Variants in UBE2K observed in about 807,000 individuals in gnomAD.
The protein encoded by UBE2K is ubiquitin conjugating enzyme E2 K, also known as ubiquitin-conjugating enzyme E2 K.
UBE2K carries 6 observed loss-of-function variants against 30.0 expected under a neutral mutation model. That is an observed-to-expected ratio of 0.20 (90% CI 0.11 to 0.39). The LOEUF (loss-of-function observed/expected upper bound fraction) is 0.39. UBE2K is among the 10% of genes least tolerant of loss of function. UBE2K has a pLI of 1.00. For missense variants in UBE2K, 61 were observed against 241.6 expected (o/e 0.25, Z 4.96); for synonymous variants, 86 against 83.7 (o/e 1.03, Z -0.15).
At chr4:39,736,608 G>A (rs1399512972) in intron 1 of UBE2K, among the ~76,000 whole-genome samples, 2 of 152,184 alleles carry the variant, frequency 1.3e-5, no homozygotes, top group East Asian at 3.8e-4. Flanking sequence ...GAGTCCCACT[G>A]GATGGTTTTC....
At chr4:39,718,907 A>G (rs926093797) in intron 1 of UBE2K, among the ~76,000 whole-genome samples, 14 of 152,212 alleles carry the variant, frequency 9.2e-5, no homozygotes, top group South Asian at 6.2e-4. Context: ...CTGCAGGCTG[A>G]GGGAGCTGGC....
At chr4:39,749,875 T>C (rs1721166290) in intron 3 of UBE2K, among the ~76,000 whole-genome samples, 1 of 152,166 alleles carries the variant, frequency 6.6e-6, no homozygotes, top group Non-Finnish European at 1.5e-5. Flanking sequence ...TAATATAATA[T>C]GCTTTGAGAC....
chr4:39,719,783 T>C (rs1719318831), intron 1 of UBE2K, among the ~76,000 whole-genome samples: 1 of 152,232 alleles, frequency 6.6e-6, no homozygotes, highest in South Asian at 2.1e-4. Flanking sequence ...CTTAAATCAC[T>C]GTAGTGACTT....
intron 1 of UBE2K, among the ~76,000 whole-genome samples, chr4:39,727,847 G>A (rs1719839856): frequency 6.6e-6 from 1 of 152,038 alleles, no homozygotes; most frequent in African/African-American, 2.4e-5. Flanking sequence ...AATCTTAGAA[G>A]TGAGCCGGGT....
chr4:39,747,893 C>T (rs1483670454), intron 3 of UBE2K, among the ~76,000 whole-genome samples: 1 of 151,846 alleles, frequency 6.6e-6, no homozygotes, highest in Admixed American at 6.6e-5. Context: ...CCTCTGTCTC[C>T]TGGGTTCAAG....
At chr4:39,761,363 T>C (rs1019187432) in intron 4 of UBE2K, 1 of 152,230 alleles carries the variant, frequency 6.6e-6, no homozygotes, top group Non-Finnish European at 1.5e-5. Flanking sequence ...GTGTTTTGAA[T>C]GAACGTGGTT....
chr4:39,718,753 C>T (rs1031935492), intron 1 of UBE2K, among the ~76,000 whole-genome samples: 3 of 152,256 alleles, frequency 2.0e-5, no homozygotes, highest in African/African-American at 7.2e-5. Context: ...GGGTGCTAAG[C>T]CCCTCACTGC....
At chr4:39,766,814 A>G (rs1712370382) in intron 4 of UBE2K, among the ~76,000 whole-genome samples, 1 of 151,908 alleles carries the variant, frequency 6.6e-6, no homozygotes, top group African/African-American at 2.4e-5. Flanking sequence ...CAGTGACACA[A>G]TCTCGGCTTA....
chr4:39,718,508 C>T (rs950704746), intron 1 of UBE2K, among the ~76,000 whole-genome samples: 14 of 152,258 alleles, frequency 9.2e-5, no homozygotes, highest in African/African-American at 2.2e-4. Flanking sequence ...CTGCGCCATG[C>T]GCCTGCACTC....
At chr4:39,705,194 G>GTTTTTTT (rs57314034) in intron 1 of UBE2K, among the ~76,000 whole-genome samples, 1 of 107,446 alleles carries the variant, frequency 9.3e-6, no homozygotes, top group South Asian at 3.4e-4. Context: ...CTGCACCTGG[G>GTTTTTTT]TTTTTTTTTT....
At chr4:39,704,690 G>A (rs553439855) in intron 1 of UBE2K, among the ~76,000 whole-genome samples, 75 of 152,064 alleles carry the variant, frequency 4.9e-4, no homozygotes, top group African/African-American at 1.6e-3. Flanking sequence ...AAAGGCGTCT[G>A]CCACCATGCC....
intron 1 of UBE2K, among the ~76,000 whole-genome samples, chr4:39,720,107 G>A (rs1018810398): frequency 1.3e-5 from 2 of 152,198 alleles, no homozygotes; most frequent in African/African-American, 4.8e-5. Flanking sequence ...ATGAGTTTAA[G>A]GATATTCCTA....
At chr4:39,776,804 T>C (rs1331470189) in intron 5 of UBE2K, among the ~76,000 whole-genome samples, 1 of 152,150 alleles carries the variant, frequency 6.6e-6, no homozygotes, top group Non-Finnish European at 1.5e-5. Context: ...TTTGTTCATA[T>C]TTGTTGTTAT....
At chr4:39,769,213 G>GTTTTTTTTTTTTTTTGTTTTTTTTT (rs60471860) in intron 4 of UBE2K, among the ~76,000 whole-genome samples, 2 of 128,674 alleles carry the variant, frequency 1.6e-5, no homozygotes, top group East Asian at 2.2e-4. Flanking sequence ...GTTTCTTTTT[G>GTTTTTTTTTTTTTTTGTTTTTTTTT]TTTTTTTTTT....
At chr4:39,730,082 C>T (rs1037775605) in intron 1 of UBE2K, among the ~76,000 whole-genome samples, 1 of 152,116 alleles carries the variant, frequency 6.6e-6, no homozygotes, top group Non-Finnish European at 1.5e-5. Context: ...TGTTATAATG[C>T]CTTGCAAATA....
At chr4:39,770,307 T>C (rs1246971037) in intron 4 of UBE2K, 8 of 1,612,554 alleles carry the variant, frequency 5.0e-6, no homozygotes, top group East Asian at 2.2e-5. Context: ...CGAGTGTGAC[T>C]TGACACCACG....
chr4:39,716,274 G>T (rs999777024), intron 1 of UBE2K, among the ~76,000 whole-genome samples: 1 of 152,126 alleles, frequency 6.6e-6, no homozygotes. Flanking sequence ...GTGTCTGTCT[G>T]TCTATCTATC....
At chr4:39,757,016 T>TTG (rs1249027394) in intron 4 of UBE2K, among the ~76,000 whole-genome samples, 2 of 106,416 alleles carry the variant, frequency 1.9e-5, no homozygotes, top group African/African-American at 7.9e-5. Flanking sequence ...TTTTTGTTTT[T>TTG]TGTTTTTTGT....
chr4:39,733,030 G>GAA (rs1399893332), intron 1 of UBE2K, among the ~76,000 whole-genome samples: 2 of 117,626 alleles, frequency 1.7e-5, no homozygotes, highest in African/African-American at 6.3e-5. Context: ...GAAATGCCTT[G>GAA]AAGCCCCCAG....
Sources: gnomAD v4.1 joint callset for allele counts (sites outside exome capture counted in the v4.1 genomes callset) on GRCh38, gnomAD v4.1.1 for gene constraint, MANE v1.5 for transcripts, NCBI Gene and HGNC (gene_info 2026-07-23, HGNC 2026-07-21) for gene names.